Variants in AFF2 observed in about 807,000 individuals in gnomAD.
AFF2 encodes AF4/FMR2 family member 2.
In AFF2, 14 loss-of-function variants were observed where a neutral mutation model predicts 76.9. The observed-to-expected ratio is 0.18, with a 90% CI of 0.12 to 0.28. AFF2 has a LOEUF of 0.28. AFF2 is among the 10% of genes least tolerant of loss of function. AFF2 has a pLI of 1.00. For missense variants in AFF2, 868 were observed against 1,001.1 expected (o/e 0.87, Z 1.79); for synonymous variants, 398 against 366.7 (o/e 1.09, Z -0.98).
In AFF2 at chrX:148,932,912, GC is replaced by G. The variant is rs1294358931; in HGVS notation, c.1398-20667del. On this transcript the variant is annotated intron_variant, in intron 9 of 20. Transcript: ENST00000370460. The stretch of plus-strand genomic sequence containing the variant: ...ACAGCAAAAAACAAAACAGTCCAAA[GC>G]TCTGCGCTAGTGGAGTTTATATTCT... 1.5e-4 allele frequency among the ~76,000 whole-genome samples: 17 copies of G among 112,547 alleles called. 1 individual carries two copies. The highest frequency in any genetic ancestry group is 5.2e-4 in the African/African-American group (16 of 31,025).
At chrX:148,742,902 G>A (rs1329254488) in intron 3 of AFF2, among the ~76,000 whole-genome samples, 2 of 111,491 alleles carry the variant, frequency 1.8e-5, no homozygotes, top group Non-Finnish European at 3.8e-5. Flanking sequence ...TTTTATTTGG[G>A]TTTTGTTCCA....
chrX:148,989,463 C>T (rs781994632), intron 20 of AFF2, among the ~76,000 whole-genome samples: 5 of 111,959 alleles, frequency 4.5e-5, no homozygotes, highest in South Asian at 7.5e-4. Flanking sequence ...AAAACAACTC[C>T]GTCACTCTAC....
chrX:148,706,710 G>T (rs1219093049), intron 3 of AFF2, among the ~76,000 whole-genome samples: 1 of 112,484 alleles, frequency 8.9e-6, no homozygotes, highest in African/African-American at 3.2e-5. Flanking sequence ...GGCTTCCTAT[G>T]CCCTTATTTC....
chrX:148,640,118 T>C (rs2054072674), intron 1 of AFF2, among the ~76,000 whole-genome samples: 1 of 112,665 alleles, frequency 8.9e-6, no homozygotes, highest in Non-Finnish European at 1.9e-5. Flanking sequence ...GAAGAAGCAT[T>C]GTTAACCAAA....
At chrX:148,615,728 T>C (rs184634888) in intron 1 of AFF2, among the ~76,000 whole-genome samples, 26 of 111,766 alleles carry the variant, frequency 2.3e-4, no homozygotes, top group Middle Eastern at 4.7e-3. Flanking sequence ...TAAGACATTC[T>C]TGTGTTAATT....
chrX:148,722,405 C>G (rs886154612), intron 3 of AFF2, among the ~76,000 whole-genome samples: 6 of 110,575 alleles, frequency 5.4e-5, no homozygotes, highest in Non-Finnish European at 1.1e-4. Flanking sequence ...TATTCCCCCT[C>G]TTAAAGAATG....
chrX:148,801,717 A>G (rs2070061066), intron 3 of AFF2, among the ~76,000 whole-genome samples: 1 of 112,041 alleles, frequency 8.9e-6, no homozygotes, highest in Non-Finnish European at 1.9e-5. Flanking sequence ...CTACGCATCA[A>G]GTATATAAAT....
intron 1 of AFF2, among the ~76,000 whole-genome samples, chrX:148,521,805 A>G (rs1226161144): frequency 8.9e-6 from 1 of 111,908 alleles, no homozygotes; most frequent in Admixed American, 9.5e-5. Context: ...AAAGGAAGAC[A>G]TAAGTCAAAT....
intron 3 of AFF2, among the ~76,000 whole-genome samples, chrX:148,806,301 C>G (rs1473955714): frequency 8.9e-6 from 1 of 112,423 alleles, no homozygotes; most frequent in Non-Finnish European, 1.9e-5. Flanking sequence ...GACCCTGGTG[C>G]ATCTCCGCAG....
At chrX:148,662,855 T>C in intron 3 of AFF2, 87 bp downstream of exon 3, 1 of 993,636 alleles carries the variant, frequency 1.0e-6, no homozygotes, top group Non-Finnish European at 1.4e-6. Context: ...CAAGCAGCTC[T>C]CATTTACCTT....
chrX:148,946,237 T>G (rs782689367), intron 9 of AFF2, among the ~76,000 whole-genome samples: 6 of 112,349 alleles, frequency 5.3e-5, no homozygotes, highest in Non-Finnish European at 1.1e-4. Flanking sequence ...CATTGCACCA[T>G]TGATGTGGCA....
At chrX:148,873,530 A>G (rs1443341660) in intron 7 of AFF2, among the ~76,000 whole-genome samples, 3 of 107,526 alleles carry the variant, frequency 2.8e-5, no homozygotes, top group Non-Finnish European at 5.8e-5. Flanking sequence ...TATCAGATAT[A>G]TGACCCACAG....
At chrX:148,678,258 T>C (rs2054506847) in intron 3 of AFF2, among the ~76,000 whole-genome samples, 1 of 111,927 alleles carries the variant, frequency 8.9e-6, no homozygotes. Flanking sequence ...CCTTGGCTAA[T>C]TACAGAACTG....
At chrX:148,515,215 C>G (rs1557233651) in intron 1 of AFF2, among the ~76,000 whole-genome samples, 1 of 112,085 alleles carries the variant, frequency 8.9e-6, no homozygotes, top group Non-Finnish European at 1.9e-5. Context: ...CCTTTAATAT[C>G]TTGCAGGCTG....
chrX:148,688,675 C>T (rs1327521114), intron 3 of AFF2, among the ~76,000 whole-genome samples: 1 of 111,184 alleles, frequency 9.0e-6, no homozygotes, highest in African/African-American at 3.3e-5. Flanking sequence ...CTGAGAAGTG[C>T]ATCATTAGAC....
intron 1 of AFF2, among the ~76,000 whole-genome samples, chrX:148,576,569 T>A: frequency 9.0e-6 from 1 of 111,446 alleles, no homozygotes; most frequent in East Asian, 2.8e-4. Flanking sequence ...CCAGCATTCC[T>A]TAGGGCATGC....
chrX:148,767,756 A>T (rs1034999122), intron 3 of AFF2, among the ~76,000 whole-genome samples: 9 of 112,391 alleles, frequency 8.0e-5, no homozygotes, highest in African/African-American at 2.9e-4. Context: ...TTATTTTCAC[A>T]ACTTGCCTTG....
chrX:148,896,155 C>T (rs1314745249), intron 8 of AFF2, among the ~76,000 whole-genome samples: 1 of 111,186 alleles, frequency 9.0e-6, no homozygotes, highest in Non-Finnish European at 1.9e-5. Flanking sequence ...AGAGAAACAA[C>T]GTGCTAGATA....
At chrX:148,502,129 A>G (rs1388484756) in intron 1 of AFF2, among the ~76,000 whole-genome samples, 1 of 112,354 alleles carries the variant, frequency 8.9e-6, no homozygotes, top group Admixed American at 9.4e-5. Context: ...ACTTAAACGT[A>G]TCAGATTCCC....
Sources: gnomAD v4.1 joint callset for allele counts (sites outside exome capture counted in the v4.1 genomes callset) on GRCh38, gnomAD v4.1.1 for gene constraint, MANE v1.5 for transcripts, NCBI Gene and HGNC (gene_info 2026-07-23, HGNC 2026-07-21) for gene names.